Variants in ELP6 observed in about 807,000 individuals in gnomAD.
The protein encoded by ELP6 is elongator complex protein 6.
A neutral mutation model predicts 28.1 loss-of-function variants in ELP6; 23 were observed. That is an observed-to-expected ratio of 0.82 (90% CI 0.59 to 1.16). ELP6 has a LOEUF of 1.16. Ranked by LOEUF, ELP6 falls within the 50% of genes most tolerant of loss-of-function variation. ELP6 has a pLI of 0.00. For missense variants in ELP6, 313 were observed against 334.6 expected (o/e 0.94, Z 0.50); for synonymous variants, 132 against 135.8 (o/e 0.97, Z 0.19).
chr3:47,496,026 T>C lies in ELP6; in HGVS notation c.*43A>G. ...TTGCTATGTTGCTCTATCTTCCACG[T>C]CCAAAAACAGTCCTATGTAGCTTCA... On this transcript the variant is annotated 3_prime_UTR_variant, in exon 7 of 7. Transcript: ENST00000296149. 1.2e-6 allele frequency: 2 copies of C among 1,612,960 alleles called. No individual in the cohort carries two copies. Among genetic ancestry groups the C allele is most frequent in the Non-Finnish European group, 1.7e-6 (2 of 1,179,606 alleles).
At chr3:47,503,042 C>G in intron 4 of ELP6, 1 of 1,022,298 alleles carries the variant, frequency 9.8e-7, no homozygotes, top group Non-Finnish European at 1.2e-6. Flanking sequence ...GGGCCCAGGG[C>G]AACTGGCCTA....
At chr3:47,509,994 T>C in intron 3 of ELP6, 190 bp downstream of exon 3, 1 of 496,518 alleles carries the variant, frequency 2.0e-6, no homozygotes, top group Non-Finnish European at 3.6e-6. Flanking sequence ...GCTCTTGACC[T>C]CGTGATCTGC....
At position 47,513,524 on chromosome 3, in the gene ELP6, C is replaced by T. The variant is rs1181631287; in HGVS notation, c.54+13G>A. On this transcript the variant is annotated intron_variant, in intron 1 of 6. Transcript: ENST00000296149. ...CCAGGTCCCGCCCCCTTCCGGCCAG[C>T]GGGACCTCTTACCTGCTCCGCCCTG... 2 of 1,610,896 alleles carry T rather than the reference C, an allele frequency of 1.2e-6. No homozygotes were observed. Among genetic ancestry groups the T allele is most frequent in the Admixed American group, 3.4e-5 (2 of 59,492 alleles).
chr3:47,496,172 G>T lies in ELP6; in HGVS notation c.698C>A (p.Ser233Ter), dbSNP rs750714055. Residue 233 changes from serine to a stop codon, truncating the protein, a stop_gained, in exon 7 of 7, where the codon TCG becomes TAG. Transcript: ENST00000296149. LOFTEE classifies it high-confidence loss of function. ...CTGATCCCGGTGGACTGCGGGCTGC[G>T]ATGGTCTCCTCCACAGGATCCTCAG... ...GQLRILWRRP[S>*]QPAVHRDQSF... 1 of 1,614,018 alleles carries T rather than the reference G, an allele frequency of 6.2e-7. No individual in the cohort carries two copies. The highest frequency in any genetic ancestry group is 2.2e-5 in the East Asian group (1 of 44,868).
chr3:47,503,256 T>A lies in ELP6; in HGVS notation c.323+1074A>T, dbSNP rs1352414556. 10 of 1,256,750 alleles carry A rather than the reference T, an allele frequency of 8.0e-6. No homozygotes were observed. In the East Asian group the frequency reaches 5.6e-4, roughly 70 times the overall value. The allele number at this position is 1,256,750 out of a possible 1,614,324, so 77.8% of individuals were successfully genotyped here. ...CACACCCACTGCATAAGGGTGTGTG[T>A]GTCTGAGAGATAAGGCAGTGGGGGA... On this transcript the variant is annotated intron_variant, in intron 4 of 6. Coordinates refer to ENST00000296149, the MANE Select transcript of ELP6 (RefSeq NM_001031703.3).
intron 4 of ELP6, chr3:47,503,249 G>T: frequency 3.2e-6 from 4 of 1,250,008 alleles, no homozygotes; most frequent in Non-Finnish European, 4.1e-6. Context: ...CTGCATAAGG[G>T]TGTGTGTGTC....
At position 47,496,166 on chromosome 3, in the gene ELP6, G is replaced by A. The variant is rs1708474046; in HGVS notation, c.704C>T (p.Pro235Leu). The A allele has an allele frequency of 6.2e-7, 1 of 1,613,890 alleles. No individual in the cohort carries two copies. The highest frequency in any genetic ancestry group is 8.5e-7 in the Non-Finnish European group (1 of 1,180,000). ...GAAGCTCTGATCCCGGTGGACTGCG[G>A]GCTGCGATGGTCTCCTCCACAGGAT... ...LRILWRRPSQPAVHRDQSFTY... is the reference protein window; with the variant it reads ...LRILWRRPSQLAVHRDQSFTY... The change falls in exon 7 of 7, where the codon CCC (proline) becomes CTC (leucine). Residue 235 changes from proline (P) to leucine (L), a missense_variant. Transcript: ENST00000296149.
At chr3:47,504,118 G>GATCC in intron 4 of ELP6, 1 of 531,756 alleles carries the variant, frequency 1.9e-6, no homozygotes, top group South Asian at 3.7e-5. Flanking sequence ...TCCAGCAAAT[G>GATCC]ATCCTCTCTA....
At chr3:47,497,757 C>T (rs1226170135) in intron 6 of ELP6, among the ~76,000 whole-genome samples, 2 of 151,900 alleles carry the variant, frequency 1.3e-5, no homozygotes, top group East Asian at 3.9e-4. Context: ...GGTGAAACCC[C>T]GTCTCTACTA....
At chr3:47,502,593 G>T in intron 4 of ELP6, 1 of 974,574 alleles carries the variant, frequency 1.0e-6, no homozygotes, top group Non-Finnish European at 1.2e-6. Context: ...CCAGCACTTT[G>T]GGGGGCCAGC....
intron 1 of ELP6, 108 bp downstream of exon 1, chr3:47,513,429 G>A: frequency 6.5e-7 from 1 of 1,527,960 alleles, no homozygotes; most frequent in Non-Finnish European, 8.7e-7. Context: ...CAGGTACCCC[G>A]TGCCGGGTCG....
chr3:47,510,016 TC>T, intron 3 of ELP6, 167 bp downstream of exon 3: 1 of 548,292 alleles, frequency 1.8e-6, no homozygotes, highest in East Asian at 3.1e-5. Context: ...CATCTTGGCC[TC>T]CCAAAGTGCT....
In ELP6 at chr3:47,498,508, T is replaced by C. The variant is rs529077918; in HGVS notation, c.526-76A>G. On this transcript the variant is annotated intron_variant, in intron 5 of 6. Coordinates refer to ENST00000296149, the MANE Select transcript of ELP6 (RefSeq NM_001031703.3). ...GAGTCAGGGAGTGCCAGCCTCTCGT[T>C]GCCTCCACTCCCCTGTACATCCTCT... 1.9e-6 allele frequency: 3 copies of C among 1,572,400 alleles called. No individual in the cohort carries two copies. The South Asian group carries it at 3.5e-5, about 18-fold the overall frequency.
intron 5 of ELP6, 51 bp downstream of exon 5, chr3:47,501,599 T>A (rs764208915): frequency 6.4e-7 from 1 of 1,571,192 alleles, no homozygotes; most frequent in Non-Finnish European, 8.8e-7. Context: ...TGGACCTGTC[T>A]GAGTTCTTGG....
chr3:47,511,287 G>A, intron 1 of ELP6, 61 bp from the exon 2 acceptor site: 1 of 1,577,414 alleles, frequency 6.3e-7, no homozygotes, highest in Non-Finnish European at 8.7e-7. Flanking sequence ...GCTTAGTGCA[G>A]AAATCTAGTC....
At chr3:47,503,576 A>G in intron 4 of ELP6, 1 of 485,362 alleles carries the variant, frequency 2.1e-6, no homozygotes, top group Admixed American at 4.2e-5. Flanking sequence ...GCTGTATTCC[A>G]ATAAAATTTT....
intron 4 of ELP6, chr3:47,502,652 G>T: frequency 2.8e-6 from 2 of 709,434 alleles, no homozygotes; most frequent in Non-Finnish European, 1.7e-6. Context: ...CTAGGCAACA[G>T]AGTGGGACTA....
chr3:47,501,754 G>C lies in ELP6; in HGVS notation c.421C>G (p.Leu141Val), dbSNP rs1708661070. ...AGCACACTGAGGTCGTCCACCAACAGCACCGGGTACGTCCACCGAGCCTCT... is the reference window on the plus strand; with the variant it reads ...AGCACACTGAGGTCGTCCACCAACACCACCGGGTACGTCCACCGAGCCTCT... ...SGEARWTYPV[L>V]LVDDLSVLLS... The change falls in exon 5 of 7, where the codon CTG (leucine) becomes GTG (valine). Residue 141 changes from leucine to valine, a missense_variant. By Grantham distance (32) the Leu-to-Val change is conservative. Coordinates refer to ENST00000296149, the MANE Select transcript of ELP6 (RefSeq NM_001031703.3). 3 of 1,606,574 alleles carry C rather than the reference G, an allele frequency of 1.9e-6. No individual in the cohort carries two copies.
Position 47,513,579 on chromosome 3 carries a change from T to C in ELP6, c.12A>G (p.Glu4=). The C allele has an allele frequency of 1.2e-6, 2 of 1,613,266 alleles. No individual in the cohort carries two copies. The highest frequency in any genetic ancestry group is 4.5e-5 in the East Asian group (2 of 44,778). MFV[E]LNNLLNTTPD... is the part of the protein sequence containing the mutation. Reference sequence around the variant, plus strand: ...GGGTGGTGTTAAGCAGGTTATTAAGTTCCACGAACATTCCGAGCTCCTGGG... The same window carrying C: ...GGGTGGTGTTAAGCAGGTTATTAAGCTCCACGAACATTCCGAGCTCCTGGG... The change falls in exon 1 of 7, where the codon GAA becomes GAG. Residue 4 remains glutamate (E), a synonymous_variant. Coordinates refer to ENST00000296149, the MANE Select transcript of ELP6 (RefSeq NM_001031703.3).
Sources: gnomAD v4.1 joint callset for allele counts (sites outside exome capture counted in the v4.1 genomes callset) on GRCh38, gnomAD v4.1.1 for gene constraint, MANE v1.5 for transcripts, NCBI Gene and HGNC (gene_info 2026-07-23, HGNC 2026-07-21) for gene names.